Variants in SAMD12 observed in about 807,000 individuals in gnomAD.
SAMD12 encodes sterile alpha motif domain-containing protein 12.
SAMD12 carries 9 observed loss-of-function variants against 15.0 expected under a neutral mutation model. The ratio of observed to expected loss-of-function variants is 0.60; its 90% confidence interval spans 0.36 to 1.05. SAMD12 has a LOEUF of 1.05. Among genes scored for constraint, SAMD12 ranks in the 50% least tolerant of loss-of-function variants. SAMD12 has a pLI of 0.01. For synonymous variants in SAMD12, 86 were observed against 90.1 expected (o/e 0.96, Z 0.25); for missense variants, 230 against 234.2 (o/e 0.98, Z 0.12).
intron 4 of SAMD12, among the ~76,000 whole-genome samples, chr8:118,325,977 G>A (rs1816545563): frequency 6.6e-6 from 1 of 152,154 alleles, no homozygotes. Flanking sequence ...GCGCTCTGCT[G>A]AGCATACTAA....
At chr8:118,179,439 G>GA in the SAMD12 span, among the ~76,000 whole-genome samples, 7,951 of 92,092 alleles carry the variant, frequency 0.086, 345 homozygotes, top group African/African-American at 0.16. Context: ...CTCCGTCTCC[G>GA]AAAAAAAAAA....
intron 4 of SAMD12, among the ~76,000 whole-genome samples, chr8:118,303,712 T>G (rs1260916553): frequency 6.6e-6 from 1 of 152,090 alleles, no homozygotes; most frequent in Non-Finnish European, 1.5e-5. Context: ...AACATGGCGT[T>G]TTGTTTACCT....
intron 2 of SAMD12, among the ~76,000 whole-genome samples, chr8:118,540,858 G>A (rs1825968020): frequency 6.6e-6 from 1 of 152,130 alleles, no homozygotes; most frequent in Non-Finnish European, 1.5e-5. Flanking sequence ...ATTCCTTTCT[G>A]ATGGGACACA....
At chr8:118,211,001 A>G (rs189130743) in intron 4 of SAMD12, among the ~76,000 whole-genome samples, 2 of 152,314 alleles carry the variant, frequency 1.3e-5, no homozygotes, top group East Asian at 3.9e-4. Flanking sequence ...TTGCCTTCAG[A>G]AAGCTCCCAG....
chr8:118,181,113 C>A, the SAMD12 span, among the ~76,000 whole-genome samples: 42 of 152,064 alleles, frequency 2.8e-4, 1 homozygote, highest in Admixed American at 2.6e-4. Context: ...ACTTGAACAA[C>A]CTTGATCAAG....
chr8:118,211,598 TTTC>T (rs1206809885), intron 4 of SAMD12, among the ~76,000 whole-genome samples: 17 of 152,242 alleles, frequency 1.1e-4, no homozygotes, highest in African/African-American at 4.1e-4. Context: ...TTGGAAAATA[TTTC>T]TTATTTTAAA....
chr8:118,241,124 T>G (rs933820337), intron 4 of SAMD12, among the ~76,000 whole-genome samples: 2 of 152,206 alleles, frequency 1.3e-5, no homozygotes, highest in African/African-American at 2.4e-5. Context: ...CTTTATGGTC[T>G]GCACCGAGGT....
At chr8:118,504,961 G>A (rs565846852) in intron 2 of SAMD12, among the ~76,000 whole-genome samples, 19 of 152,176 alleles carry the variant, frequency 1.2e-4, no homozygotes, top group Non-Finnish European at 2.5e-4. Flanking sequence ...GCTTTGACTT[G>A]CTATTTCTAA....
chr8:118,616,425 T>G (rs1215233125), intron 1 of SAMD12, among the ~76,000 whole-genome samples: 4 of 152,180 alleles, frequency 2.6e-5, no homozygotes, highest in Admixed American at 6.5e-5. Context: ...CATAATGATG[T>G]TCCCAACAAG....
intron 4 of SAMD12, among the ~76,000 whole-genome samples, chr8:118,244,470 T>C (rs889042742): frequency 3.3e-5 from 5 of 152,190 alleles, no homozygotes; most frequent in African/African-American, 1.2e-4. Flanking sequence ...AGGTGTCAAA[T>C]AATGCCATTG....
At chr8:118,259,451 C>T (rs570963672) in intron 4 of SAMD12, among the ~76,000 whole-genome samples, 37 of 152,214 alleles carry the variant, frequency 2.4e-4, no homozygotes, top group African/African-American at 8.4e-4. Context: ...GCAAGACATC[C>T]TACAGTGCAC....
intron 4 of SAMD12, among the ~76,000 whole-genome samples, chr8:118,281,581 T>C (rs1013668681): frequency 2.6e-5 from 4 of 152,208 alleles, no homozygotes; most frequent in African/African-American, 9.6e-5. Flanking sequence ...GACCAGAAAG[T>C]AGTAGTGAGA....
intron 1 of SAMD12, among the ~76,000 whole-genome samples, chr8:118,585,840 T>C (rs1827425292): frequency 6.6e-6 from 1 of 152,150 alleles, no homozygotes; most frequent in African/African-American, 2.4e-5. Context: ...CTACCTGGAA[T>C]GAAGTGCCAG....
intron 3 of SAMD12, among the ~76,000 whole-genome samples, chr8:118,436,492 T>C (rs1252162876): frequency 6.6e-6 from 1 of 152,210 alleles, no homozygotes; most frequent in Non-Finnish European, 1.5e-5. Flanking sequence ...CTTTTTTATT[T>C]ACCGTCACTG....
chr8:118,511,981 A>G (rs1825102050), intron 2 of SAMD12, among the ~76,000 whole-genome samples: 1 of 152,086 alleles, frequency 6.6e-6, no homozygotes, highest in South Asian at 2.1e-4. Context: ...TAAATAAGTA[A>G]ATCAATCAAT....
intron 4 of SAMD12, among the ~76,000 whole-genome samples, chr8:118,271,710 G>A (rs1207694320): frequency 6.6e-6 from 1 of 152,118 alleles, no homozygotes; most frequent in Non-Finnish European, 1.5e-5. Context: ...AAAACAAAGG[G>A]GCTACAGGCC....
chr8:118,303,967 G>C (rs1361520245), intron 4 of SAMD12, among the ~76,000 whole-genome samples: 1 of 152,110 alleles, frequency 6.6e-6, no homozygotes, highest in Non-Finnish European at 1.5e-5. Flanking sequence ...GACATTTATG[G>C]GCTGCTTTTG....
chr8:118,146,195 G>T, the SAMD12 span, among the ~76,000 whole-genome samples: 2 of 152,212 alleles, frequency 1.3e-5, no homozygotes, highest in Non-Finnish European at 2.9e-5. Context: ...AAATGAAGGA[G>T]GCAGGGGTAG....
intron 2 of SAMD12, among the ~76,000 whole-genome samples, chr8:118,531,676 TC>T (rs1336781528): frequency 1.4e-4 from 22 of 152,334 alleles, no homozygotes; most frequent in African/African-American, 5.3e-4. Flanking sequence ...GGTATCTTAT[TC>T]TCTTTGAAGC....
Sources: allele counts gnomAD v4.1 joint callset (sites outside exome capture counted in the v4.1 genomes callset), GRCh38; gene constraint gnomAD v4.1.1; transcripts MANE v1.5; gene names NCBI Gene and HGNC (gene_info 2026-07-23, HGNC 2026-07-21).